GRIN2B: variants seen among roughly 807,000 people sequenced by gnomAD.
GRIN2B encodes the protein glutamate ionotropic receptor NMDA type subunit 2B.
GRIN2B carries 5 observed loss-of-function variants against 114.5 expected under a neutral mutation model. The observed-to-expected ratio is 0.04, with a 90% CI of 0.02 to 0.09. The LOEUF (loss-of-function observed/expected upper bound fraction) is 0.09. Ranked by LOEUF, GRIN2B falls within the 10% of genes least tolerant of loss-of-function variation. The pLI is 1.00. For synonymous variants in GRIN2B, 787 were observed against 745.1 expected (o/e 1.06, Z -0.92); for missense variants, 1,108 against 1,943.5 (o/e 0.57, Z 8.08).
At chr12:13,793,945 T>C (rs528083157) in intron 3 of GRIN2B, among the ~76,000 whole-genome samples, 1 of 146,636 alleles carries the variant, frequency 6.8e-6, no homozygotes, top group Non-Finnish European at 1.5e-5. Context: ...CTCACACCTG[T>C]AATCCCAGCA....
chr12:13,862,383 T>G (rs1181044036), intron 3 of GRIN2B, among the ~76,000 whole-genome samples: 1 of 152,174 alleles, frequency 6.6e-6, no homozygotes. Context: ...TGGGTTTTAT[T>G]GGAAATAAAC....
chr12:13,959,814 A>G (rs1867659657), intron 2 of GRIN2B, among the ~76,000 whole-genome samples: 1 of 149,098 alleles, frequency 6.7e-6, no homozygotes, highest in Non-Finnish European at 1.5e-5. Flanking sequence ...TATTGGGAGA[A>G]CATGCCAGGA....
chr12:13,846,378 T>A (rs1210894162), intron 3 of GRIN2B, among the ~76,000 whole-genome samples: 6 of 152,230 alleles, frequency 3.9e-5, no homozygotes, highest in Non-Finnish European at 4.4e-5. Context: ...TTCCTTCTAT[T>A]TCAAATATTG....
At position 13,966,545 on chromosome 12, in the gene GRIN2B, C is replaced by T. The variant is rs1867792820; in HGVS notation, c.-19+13383G>A. Among the ~76,000 whole-genome samples the T allele has an allele frequency of 2.0e-5, 3 of 152,174 alleles. No homozygotes were observed. The South Asian group carries it at 6.2e-4, about 32-fold the overall frequency. ...TAAATATTCTAGAAACATGGCACCT[C>T]GTGGCCAGATTGTCTTTTCTTGCCA... On this transcript the variant is annotated intron_variant, in intron 2 of 13. Transcript: ENST00000609686.
At chr12:13,719,841 G>A (rs796248754) in intron 4 of GRIN2B, among the ~76,000 whole-genome samples, 16 of 152,114 alleles carry the variant, frequency 1.1e-4, no homozygotes, top group African/African-American at 3.9e-4. Context: ...CTCGTTACTT[G>A]GTGCTTTTGT....
At chr12:13,774,915 G>A (rs1379257533) in intron 3 of GRIN2B, among the ~76,000 whole-genome samples, 6 of 152,134 alleles carry the variant, frequency 3.9e-5, no homozygotes, top group Admixed American at 3.9e-4. Context: ...AATATATGCG[G>A]CATAGGAAAG....
chr12:13,741,187 G>T (rs1244514517), intron 4 of GRIN2B, among the ~76,000 whole-genome samples: 1 of 151,960 alleles, frequency 6.6e-6, no homozygotes, highest in East Asian at 1.9e-4. Flanking sequence ...CCGCCACCAC[G>T]CCCGGCTAAT....
At position 13,802,832 on chromosome 12, in the gene GRIN2B, T is replaced by C. The variant is rs1864540414; in HGVS notation, c.412-48917A>G. ...TCTGGTTAATTTTTTCCTTGTCTTC[T>C]AGTTTTTCTCAAATGTTCATGCATT... On this transcript the variant is annotated intron_variant, in intron 3 of 13. Coordinates refer to ENST00000609686, the MANE Select transcript of GRIN2B (RefSeq NM_000834.5). Among the ~76,000 whole-genome samples the C allele has an allele frequency of 2.0e-5, 3 of 152,318 alleles. No homozygotes were observed. The South Asian group carries it at 6.2e-4, about 32-fold the overall frequency.
intron 2 of GRIN2B, among the ~76,000 whole-genome samples, chr12:13,902,716 C>T (rs1866472572): frequency 6.6e-6 from 1 of 152,118 alleles, no homozygotes; most frequent in Non-Finnish European, 1.5e-5. Flanking sequence ...AAGGCTGAGG[C>T]AGGAGAATCA....
intron 3 of GRIN2B, among the ~76,000 whole-genome samples, chr12:13,756,641 G>A (rs1054599050): frequency 6.6e-6 from 1 of 152,164 alleles, no homozygotes; most frequent in African/African-American, 2.4e-5. Context: ...GTACAAGCTT[G>A]GGATGAAAGG....
At chr12:13,726,516 A>C (rs189793911) in intron 4 of GRIN2B, among the ~76,000 whole-genome samples, 310 of 147,522 alleles carry the variant, frequency 2.1e-3, no homozygotes, top group African/African-American at 7.5e-3. Context: ...GCCTGGACAA[A>C]AGAGCGAGAC....
chr12:13,952,594 C>A (rs1160490864), intron 2 of GRIN2B, among the ~76,000 whole-genome samples: 1 of 152,054 alleles, frequency 6.6e-6, no homozygotes, highest in Non-Finnish European at 1.5e-5. Flanking sequence ...TCACTTGCCC[C>A]CGTCTTTCTT....
At chr12:13,688,768 T>G (rs1469547234) in intron 4 of GRIN2B, among the ~76,000 whole-genome samples, 1 of 152,210 alleles carries the variant, frequency 6.6e-6, no homozygotes, top group Non-Finnish European at 1.5e-5. Flanking sequence ...AAATTCTCTC[T>G]GGACTTAAAA....
chr12:13,945,549 T>C (rs926652443), intron 2 of GRIN2B, among the ~76,000 whole-genome samples: 1 of 152,302 alleles, frequency 6.6e-6, no homozygotes, highest in Non-Finnish European at 1.5e-5. Flanking sequence ...GCAGCAGATT[T>C]TCTATAGACC....
chr12:13,697,456 C>T (rs1424896726), intron 4 of GRIN2B, among the ~76,000 whole-genome samples: 1 of 152,118 alleles, frequency 6.6e-6, no homozygotes, highest in Non-Finnish European at 1.5e-5. Context: ...ACTTTATCTC[C>T]CCTTGTATTC....
intron 4 of GRIN2B, among the ~76,000 whole-genome samples, chr12:13,741,128 T>C (rs1461886250): frequency 1.3e-5 from 2 of 152,158 alleles, no homozygotes; most frequent in Non-Finnish European, 2.9e-5. Context: ...CCTCCCGGGT[T>C]CAAGCAATTC....
intron 4 of GRIN2B, among the ~76,000 whole-genome samples, chr12:13,720,380 T>C (rs1302013210): frequency 1.3e-5 from 2 of 152,054 alleles, no homozygotes; most frequent in African/African-American, 4.8e-5. Context: ...ATTAATGTAC[T>C]TGAGACATAA....
chr12:13,756,718 G>A (rs1706476179), intron 3 of GRIN2B, among the ~76,000 whole-genome samples: 1 of 152,198 alleles, frequency 6.6e-6, no homozygotes, highest in African/African-American at 2.4e-5. Context: ...ATCACAAGAA[G>A]GCTCTTGAAT....
intron 5 of GRIN2B, among the ~76,000 whole-genome samples, chr12:13,617,403 G>A (rs772720059): frequency 6.6e-5 from 10 of 152,176 alleles, no homozygotes; most frequent in Admixed American, 2.0e-4. Context: ...CAACACCATG[G>A]AGCACCATCC....
Sources: gnomAD v4.1 joint callset for allele counts (sites outside exome capture counted in the v4.1 genomes callset) on GRCh38, gnomAD v4.1.1 for gene constraint, MANE v1.5 for transcripts, NCBI Gene and HGNC (gene_info 2026-07-23, HGNC 2026-07-21) for gene names.